Variants in RABEP1 observed in about 807,000 individuals in gnomAD.
RABEP1 encodes rab GTPase-binding effector protein 1.
In RABEP1, 51 loss-of-function variants were observed where a neutral mutation model predicts 123.4. The observed-to-expected ratio is 0.41, with a 90% CI of 0.33 to 0.52. RABEP1 has a LOEUF of 0.52. Among genes scored for constraint, RABEP1 ranks in the 20% least tolerant of loss-of-function variants. The pLI is 0.16. For synonymous variants in RABEP1, 347 were observed against 355.2 expected (o/e 0.98, Z 0.26); for missense variants, 888 against 996.3 (o/e 0.89, Z 1.46).
intron 8 of RABEP1, among the ~76,000 whole-genome samples, chr17:5,357,606 A>T (rs1006818396): frequency 2.6e-4 from 40 of 151,628 alleles, no homozygotes; most frequent in African/African-American, 9.7e-4. Flanking sequence ...CCTGGCCTCA[A>T]GTGATTTGCC....
chr17:5,383,670 A>G lies in RABEP1; in HGVS notation c.*447A>G. ...GTATTCAGTTAGCAGACAGAAGTGT[A>G]GTATGCTGTATGAATATTTTATATT... On this transcript the variant is annotated 3_prime_UTR_variant, in exon 18 of 18. Transcript: ENST00000537505. 4.3e-6 allele frequency: 1 copy of G among 234,916 alleles called. No homozygotes were observed. The highest frequency in any genetic ancestry group is 8.4e-6 in the Non-Finnish European group (1 of 118,918). 14.6% of individuals were successfully genotyped at this position (234,916 alleles called of 1,614,324 possible).
At chr17:5,291,429 C>G (rs748416954) in intron 1 of RABEP1, among the ~76,000 whole-genome samples, 7 of 152,092 alleles carry the variant, frequency 4.6e-5, no homozygotes, top group Non-Finnish European at 1.0e-4. Flanking sequence ...GAAAACTAGA[C>G]TTACACATAA....
At chr17:5,341,407 A>AGG (rs1907593602) in intron 5 of RABEP1, among the ~76,000 whole-genome samples, 1 of 152,252 alleles carries the variant, frequency 6.6e-6, no homozygotes, top group Non-Finnish European at 1.5e-5. Flanking sequence ...ATTCCAAAAC[A>AGG]GGAAAGGTAG....
intron 6 of RABEP1, 72 bp from the exon 7 acceptor site, chr17:5,350,379 C>CAA (rs879650521): frequency 1.1e-4 from 127 of 1,136,244 alleles, no homozygotes; most frequent in East Asian, 3.0e-4. Context: ...GACTCCATCT[C>CAA]AAAAAAAAAA....
At chr17:5,371,585 T>G (rs1341795685) in intron 12 of RABEP1, 1 of 152,242 alleles carries the variant, frequency 6.6e-6, no homozygotes, top group African/African-American at 2.4e-5. Flanking sequence ...CAGTGGATTC[T>G]AGTCTGAAGA....
intron 5 of RABEP1, among the ~76,000 whole-genome samples, chr17:5,338,469 G>A (rs1157390026): frequency 6.6e-6 from 1 of 152,224 alleles, no homozygotes; most frequent in Non-Finnish European, 1.5e-5. Context: ...TCGGGAGGCT[G>A]AGGCAGGAGA....
intron 1 of RABEP1, among the ~76,000 whole-genome samples, chr17:5,289,352 T>G (rs2075010425): frequency 1.3e-5 from 2 of 151,924 alleles, no homozygotes; most frequent in African/African-American, 4.8e-5. Context: ...GTCTCACAGT[T>G]TGTCATTTAC....
rs1281172906 is a variant in RABEP1 at position 5,374,132 on chromosome 17, T to A, written c.2025+678T>A. Among the ~76,000 whole-genome samples the A allele has an allele frequency of 5.8e-3, 883 of 151,716 alleles. 6 individuals carry two copies. The highest frequency in any genetic ancestry group is 0.02 in the African/African-American group (835 of 41,138). On this transcript the variant is annotated intron_variant, in intron 13 of 17. Coordinates refer to ENST00000537505, the MANE Select transcript of RABEP1 (RefSeq NM_004703.6). ...CCCAGGCTGGAGTGCAATGGCATCA[T>A]CTCTGCTCACTGCAACCTCCGCCTC...
Position 5,368,374 on chromosome 17 carries a change from C to G in RABEP1, c.1790C>G (p.Ser597Cys). The change falls in exon 12 of 18, where the codon TCT becomes TGT. Residue 597 changes from serine (S) to cysteine (C), a missense_variant. Transcript: ENST00000537505. ...QSSEDSSHQISALVLRAQASE... is the reference protein window; with the variant it reads ...QSSEDSSHQICALVLRAQASE... ...TATACATGTGTTTTTTTAAAGATCT[C>G]TGCACTCGTCCTAAGAGCCCAGGCC... 1 of 1,610,432 alleles carries G rather than the reference C, an allele frequency of 6.2e-7. No individual in the cohort carries two copies. The highest frequency in any genetic ancestry group is 8.5e-7 in the Non-Finnish European group (1 of 1,177,590).
At chr17:5,370,501 C>T (rs768691810) in intron 12 of RABEP1, among the ~76,000 whole-genome samples, 1 of 152,142 alleles carries the variant, frequency 6.6e-6, no homozygotes, top group Admixed American at 6.6e-5. Flanking sequence ...TGCCATGTCG[C>T]TTTAGTCACT....
chr17:5,380,532 G>C (rs984929116), intron 16 of RABEP1, 70 bp downstream of exon 16: 2 of 1,250,246 alleles, frequency 1.6e-6, no homozygotes, highest in Non-Finnish European at 2.3e-6. Context: ...CTTGCTTGTT[G>C]AAAAAAAAAT....
intron 4 of RABEP1, among the ~76,000 whole-genome samples, chr17:5,337,569 T>G (rs1907213442): frequency 6.6e-6 from 1 of 152,060 alleles, no homozygotes; most frequent in Non-Finnish European, 1.5e-5. Flanking sequence ...GGCAGGCGCC[T>G]GTAGTCCCAG....
chr17:5,297,859 T>A (rs1487458558), intron 1 of RABEP1, among the ~76,000 whole-genome samples: 1 of 152,222 alleles, frequency 6.6e-6, no homozygotes, highest in East Asian at 1.9e-4. Flanking sequence ...TCTCATATAA[T>A]AGTTGATAAA....
intron 1 of RABEP1, 43 bp downstream of exon 1, chr17:5,282,563 C>T (rs1272811361): frequency 1.8e-6 from 2 of 1,125,442 alleles, no homozygotes; most frequent in Non-Finnish European, 1.1e-6. Flanking sequence ...GCGGCCTGCC[C>T]GGCGTCGGCG....
rs2074933120 is a variant in RABEP1 at position 5,282,403 on chromosome 17, C to T, written c.-84C>T. On this transcript the variant is annotated 5_prime_UTR_variant, in exon 1 of 18. It adds an upstream start codon to the 5' untranslated region. Coordinates refer to ENST00000537505, the MANE Select transcript of RABEP1 (RefSeq NM_004703.6). ...GCGGCGGCGGCGGCGGCTCGGTTGA[C>T]GCCTCCTCCGCCAGCTGAGCCCGCG... 2.1e-5 allele frequency: 23 copies of T among 1,117,490 alleles called. No homozygotes were observed. Among genetic ancestry groups the T allele is most frequent in the Non-Finnish European group, 2.7e-5 (23 of 844,580 alleles). 69.2% of individuals were successfully genotyped at this position (1,117,490 alleles called of 1,614,324 possible).
At chr17:5,338,454 CAGCCTCGGG>C (rs1374260499) in intron 5 of RABEP1, among the ~76,000 whole-genome samples, 1 of 152,078 alleles carries the variant, frequency 6.6e-6, no homozygotes, top group African/African-American at 2.4e-5. Context: ...CGGCTGCTCC[CAGCCTCGGG>C]AGGCTGAGGC....
At chr17:5,333,070 G>A (rs375640100) in intron 3 of RABEP1, among the ~76,000 whole-genome samples, 24 of 152,164 alleles carry the variant, frequency 1.6e-4, no homozygotes, top group African/African-American at 5.6e-4. Context: ...TGGCACTAGT[G>A]CTGAATTACT....
chr17:5,368,320 C>A, intron 11 of RABEP1, 50 bp from the exon 12 acceptor site: 2 of 1,288,464 alleles, frequency 1.6e-6, no homozygotes, highest in Non-Finnish European at 2.2e-6. Context: ...GAGTTAGTTT[C>A]AGAATAACCG....
chr17:5,293,366 C>T (rs1488158846), intron 1 of RABEP1, among the ~76,000 whole-genome samples: 2 of 151,736 alleles, frequency 1.3e-5, no homozygotes, highest in African/African-American at 4.8e-5. Context: ...AGACATTGGC[C>T]TTTGTTTTTT....
Sources: gnomAD v4.1 joint callset for allele counts (sites outside exome capture counted in the v4.1 genomes callset) on GRCh38, gnomAD v4.1.1 for gene constraint, MANE v1.5 for transcripts, NCBI Gene and HGNC (gene_info 2026-07-23, HGNC 2026-07-21) for gene names.